Variants in TPTE2 observed in about 807,000 individuals in gnomAD.
The protein encoded by TPTE2 is transmembrane phosphoinositide 3-phosphatase and tensin homolog 2.
In TPTE2, 53 loss-of-function variants were observed where a neutral mutation model predicts 78.6. The observed-to-expected ratio is 0.67, with a 90% CI of 0.54 to 0.85. TPTE2 has a LOEUF of 0.85. Among genes scored for constraint, TPTE2 ranks in the 40% least tolerant of loss-of-function variants. TPTE2 has a pLI of 0.00. For synonymous variants in TPTE2, 175 were observed against 206.2 expected (o/e 0.85, Z 1.30); for missense variants, 461 against 623.0 (o/e 0.74, Z 2.77).
chr13:19,493,050 T>C lies in TPTE2; in HGVS notation c.66-147A>G, dbSNP rs190501053. The C allele has an allele frequency of 1.3e-4, 149 of 1,104,086 alleles. 1 individual carries two copies. In the Middle Eastern group the frequency reaches 1.4e-3, roughly 10 times the overall value. The allele number at this position is 1,104,086 out of a possible 1,614,324, so 68.4% of individuals were successfully genotyped here. A position where few individuals can be genotyped will look rare whatever the true frequency, so the allele number is the denominator to read the frequency against. The stretch of plus-strand genomic sequence containing the variant: ...CATAAAAATACTGCTTAGTAGGAAC[T>C]AAGGGTGGCAATTACACTAACAGGA... On this transcript the variant is annotated intron_variant, in intron 2 of 19. Coordinates refer to ENST00000400230, the Ensembl canonical transcript of TPTE2.
rs537051065 is a variant in TPTE2, at chr13:19,440,107, G to T, written c.974-1954C>A. On this transcript the variant is annotated intron_variant, in intron 13 of 19. Transcript: ENST00000400230. The stretch of plus-strand genomic sequence containing the variant: ...AGTACAGTAAAGCCAGACAGCACCT[G>T]TGAGATACTATAAAAAATGAGCATT... 3.9e-5 allele frequency among the ~76,000 whole-genome samples: 6 copies of T among 152,258 alleles called. No homozygotes were observed. The South Asian group carries it at 1.2e-3, about 32-fold the overall frequency.
At chr13:19,523,806 A>C (rs944026404) in intron 1 of TPTE2, among the ~76,000 whole-genome samples, 1 of 152,174 alleles carries the variant, frequency 6.6e-6, no homozygotes, top group Non-Finnish European at 1.5e-5. Flanking sequence ...TGAACTCGCA[A>C]AATGTGAAGG....
intron 3 of TPTE2, among the ~76,000 whole-genome samples, chr13:19,485,343 A>T (rs1222383734): frequency 1.3e-5 from 2 of 151,940 alleles, no homozygotes; most frequent in Non-Finnish European, 2.9e-5. Context: ...CTCAGCTGAA[A>T]GTTTTTTTTT....
intron 1 of TPTE2, among the ~76,000 whole-genome samples, chr13:19,515,505 A>G (rs1010927865): frequency 1.3e-5 from 2 of 152,210 alleles, no homozygotes; most frequent in Non-Finnish European, 2.9e-5. Flanking sequence ...GGAGTGCCAG[A>G]GTTCAAATGA....
intron 1 of TPTE2, among the ~76,000 whole-genome samples, chr13:19,498,860 G>C (rs1379899069): frequency 6.6e-6 from 1 of 151,974 alleles, no homozygotes; most frequent in Non-Finnish European, 1.5e-5. Context: ...TGGCAAATTG[G>C]ATAAAGAGTC....
intron 6 of TPTE2, among the ~76,000 whole-genome samples, chr13:19,473,627 G>A (rs949059716): frequency 4.1e-5 from 5 of 122,030 alleles, no homozygotes; most frequent in East Asian, 2.4e-4. Flanking sequence ...ATGGAGTCTC[G>A]CCCTGTCACC....
chr13:19,546,189 C>T, the TPTE2 span, among the ~76,000 whole-genome samples: 1 of 152,082 alleles, frequency 6.6e-6, no homozygotes, highest in Non-Finnish European at 1.5e-5. Flanking sequence ...CAGAGTGACA[C>T]CACACCTCTT....
chr13:19,425,217 G>A (rs1415425674), intron 18 of TPTE2, among the ~76,000 whole-genome samples, 200 bp from the exon 22 acceptor site: 1 of 152,156 alleles, frequency 6.6e-6, no homozygotes, highest in East Asian at 1.9e-4. Flanking sequence ...TTCTCTTGCT[G>A]TTTCTATCAA....
chr13:19,426,561 C>A (rs745317344), intron 17 of TPTE2, 44 bp from the exon 21 acceptor site: 3 of 1,233,282 alleles, frequency 2.4e-6, no homozygotes, highest in Admixed American at 3.5e-5. Flanking sequence ...ACCTAGATAA[C>A]GATAACAAAA....
chr13:19,464,222 T>C (rs916866232), intron 10 of TPTE2, among the ~76,000 whole-genome samples: 5 of 152,194 alleles, frequency 3.3e-5, no homozygotes, highest in African/African-American at 1.2e-4. Flanking sequence ...CCATACCAAA[T>C]TCACAAACCA....
chr13:19,461,556 G>T (rs1346622781), intron 10 of TPTE2, among the ~76,000 whole-genome samples: 3 of 152,094 alleles, frequency 2.0e-5, no homozygotes, highest in Admixed American at 2.0e-4. Flanking sequence ...TTTCTTTGTT[G>T]ATTTTCTGTC....
chr13:19,471,654 A>AT (rs750649267), intron 6 of TPTE2, among the ~76,000 whole-genome samples: 1 of 152,184 alleles, frequency 6.6e-6, no homozygotes. Context: ...TGTAGTTAAT[A>AT]TTTTTGATTG....
At chr13:19,474,205 T>C in intron 5 of TPTE2, 130 bp from the exon 9 acceptor site, 3 of 972,906 alleles carry the variant, frequency 3.1e-6, no homozygotes, top group Non-Finnish European at 4.2e-6. Flanking sequence ...TATTTAGTAT[T>C]AAGCTGCCCA....
At chr13:19,470,144 G>A (rs1193557947) in intron 6 of TPTE2, among the ~76,000 whole-genome samples, 5 of 152,064 alleles carry the variant, frequency 3.3e-5, no homozygotes, top group Non-Finnish European at 7.3e-5. Flanking sequence ...TCCCCATTCA[G>A]TACGGTACTG....
chr13:19,436,287 C>T, exon 15 of TPTE2: 1 of 1,613,212 alleles, frequency 6.2e-7, no homozygotes, highest in Admixed American at 1.7e-5. Context: ...TCGCCTTTCT[C>T]CAAAATAATA....
intron 17 of TPTE2, 131 bp downstream of exon 20, chr13:19,430,337 T>C: frequency 1.4e-6 from 1 of 702,220 alleles, no homozygotes; most frequent in Non-Finnish European, 2.4e-6. Flanking sequence ...GACACCAAGT[T>C]GTATGGTAAC....
chr13:19,448,189 T>C (rs553575953), intron 13 of TPTE2, among the ~76,000 whole-genome samples: 11 of 152,270 alleles, frequency 7.2e-5, no homozygotes, highest in Non-Finnish European at 1.0e-4. Context: ...TCAAAGTAAA[T>C]GCTTAACTGT....
chr13:19,468,530 C>T (rs1238028329), intron 6 of TPTE2, among the ~76,000 whole-genome samples: 1 of 152,036 alleles, frequency 6.6e-6, no homozygotes, highest in African/African-American at 2.4e-5. Flanking sequence ...GGGTATCTAC[C>T]CAGCAGTGGG....
chr13:19,472,010 AACGTTTCT>A, intron 6 of TPTE2, among the ~76,000 whole-genome samples: 1 of 152,154 alleles, frequency 6.6e-6, no homozygotes, highest in Non-Finnish European at 1.5e-5. Context: ...CCTGGCCTGA[AACGTTTCT>A]ACTAAAGAGT....
Sources: allele counts gnomAD v4.1 joint callset (sites outside exome capture counted in the v4.1 genomes callset), GRCh38; gene constraint gnomAD v4.1.1; transcripts MANE v1.5; gene names NCBI Gene and HGNC (gene_info 2026-07-23, HGNC 2026-07-21).